Variants in MYBPC2 observed in about 807,000 individuals in gnomAD.
The protein encoded by MYBPC2 is myosin-binding protein C, fast-type.
Under a neutral mutation model 137.0 loss-of-function variants are expected in MYBPC2, and 122 were observed. The observed-to-expected ratio is 0.89, with a 90% CI of 0.77 to 1.03. MYBPC2 has a LOEUF of 1.03. MYBPC2 is among the 50% of genes least tolerant of loss of function. The pLI is 0.00. For synonymous variants in MYBPC2, 626 were observed against 612.3 expected (o/e 1.02, Z -0.33); for missense variants, 1,500 against 1,534.4 (o/e 0.98, Z 0.37).
At chr19:50,459,033 G>C (rs751018151) in intron 22 of MYBPC2, 27 bp downstream of exon 22, 3 of 1,591,118 alleles carry the variant, frequency 1.9e-6, no homozygotes. Context: ...CACGGGCCGG[G>C]GGTCCGCTCT....
chr19:50,442,419 A>G (rs1234340901), intron 9 of MYBPC2, 106 bp downstream of exon 9: 1 of 1,462,234 alleles, frequency 6.8e-7, no homozygotes, highest in Non-Finnish European at 9.2e-7. Context: ...ATTCACCCCT[A>G]TATGAAGAGT....
chr19:50,462,082 G>T, intron 26 of MYBPC2, 46 bp downstream of exon 26: 1 of 1,539,934 alleles, frequency 6.5e-7, no homozygotes. Context: ...GCCTTGTGGG[G>T]AATCTTCCAT....
At chr19:50,434,466 G>A (rs554517978) in intron 1 of MYBPC2, among the ~76,000 whole-genome samples, 1 of 152,344 alleles carries the variant, frequency 6.6e-6, no homozygotes, top group Admixed American at 6.5e-5. Context: ...GGAGTCACAG[G>A]GGAAGTCTCT....
chr19:50,451,196 G>C (rs75264037), intron 14 of MYBPC2, 84 bp from the exon 15 acceptor site: 3 of 1,525,296 alleles, frequency 2.0e-6, no homozygotes, highest in Non-Finnish European at 2.7e-6. Context: ...GCCAGACCCT[G>C]TCACCTCTTC....
intron 26 of MYBPC2, 121 bp downstream of exon 26, chr19:50,462,157 A>G: frequency 7.4e-7 from 1 of 1,353,570 alleles, no homozygotes; most frequent in Non-Finnish European, 9.7e-7. Context: ...CAAGGGATTT[A>G]GTCACTTAAA....
intron 22 of MYBPC2, 51 bp downstream of exon 22, chr19:50,459,057 CT>C: frequency 1.3e-6 from 2 of 1,563,776 alleles, no homozygotes; most frequent in Non-Finnish European, 1.7e-6. Context: ...CGCAAGCCCC[CT>C]TTTTGCGGGT....
chr19:50,452,266 C>T (rs191413223), intron 16 of MYBPC2, among the ~76,000 whole-genome samples: 9 of 152,314 alleles, frequency 5.9e-5, no homozygotes, highest in South Asian at 4.1e-4. Context: ...GTAACTCATC[C>T]GCCCATCCAG....
intron 11 of MYBPC2, 117 bp from the exon 12 acceptor site, chr19:50,445,763 C>T (rs1244801700): frequency 2.9e-6 from 3 of 1,045,668 alleles, no homozygotes; most frequent in African/African-American, 3.2e-5. Context: ...ATTATGTCTC[C>T]TCCCTCCGGG....
intron 4 of MYBPC2, among the ~76,000 whole-genome samples, chr19:50,436,416 C>T (rs2122576937): frequency 1.3e-5 from 2 of 152,252 alleles, no homozygotes; most frequent in African/African-American, 4.8e-5. Context: ...GGGCCAGGGA[C>T]CTGGGCCCCA....
intron 13 of MYBPC2, among the ~76,000 whole-genome samples, chr19:50,450,029 C>G (rs146275210): frequency 1.3e-5 from 2 of 152,014 alleles, no homozygotes; most frequent in African/African-American, 4.8e-5. Flanking sequence ...TTGTGTTACA[C>G]GCCCATAGTC....
At chr19:50,464,268 G>A (rs755661184) in intron 26 of MYBPC2, 78 bp from the exon 27 acceptor site, 32 of 1,347,586 alleles carry the variant, frequency 2.4e-5, no homozygotes, top group East Asian at 1.5e-4. Context: ...AACCCAGATC[G>A]GCTTCCTGAG....
chr19:50,459,301 T>C lies in MYBPC2; in HGVS notation c.2786T>C (p.Val929Ala). ...MKDTATIRIR[V>A]VEKAGPPINV... is the part of the protein sequence containing the mutation. Reference sequence around the variant, plus strand: ...GACACCGCCACCATCCGCATCCGCGTTGTGGGTGCGCGCGCTGGGGAGGGC... The same window carrying C: ...GACACCGCCACCATCCGCATCCGCGCTGTGGGTGCGCGCGCTGGGGAGGGC... Residue 929 changes from valine (V) to alanine (A), a missense_variant, in exon 23 of 28, where the codon GTT becomes GCT. Coordinates refer to ENST00000357701, the MANE Select transcript of MYBPC2 (RefSeq NM_004533.4). The C allele has an allele frequency of 6.3e-7, 1 of 1,597,582 alleles. No homozygotes were observed. Among genetic ancestry groups the C allele is most frequent in the Non-Finnish European group, 8.5e-7 (1 of 1,172,652 alleles).
chr19:50,450,962 G>T, intron 14 of MYBPC2, 27 bp downstream of exon 14: 1 of 1,542,172 alleles, frequency 6.5e-7, no homozygotes, highest in South Asian at 1.2e-5. Flanking sequence ...CTCCTTCCCT[G>T]GGGGCTGTAG....
intron 16 of MYBPC2, 114 bp from the exon 17 acceptor site, chr19:50,453,906 T>C: frequency 8.2e-7 from 1 of 1,226,612 alleles, no homozygotes; most frequent in Non-Finnish European, 1.1e-6. Flanking sequence ...GAGTGAGGAC[T>C]CTGTGTGTTG....
intron 11 of MYBPC2, among the ~76,000 whole-genome samples, chr19:50,444,286 C>CCATT (rs1221328763): frequency 5.0e-5 from 4 of 80,526 alleles, no homozygotes; most frequent in Admixed American, 1.6e-4. Context: ...ATCTGTCCAT[C>CCATT]CATTCATCCA....
At chr19:50,452,508 G>GTATCTATCTATCTATCTATC (rs59342187) in intron 16 of MYBPC2, among the ~76,000 whole-genome samples, 1,999 of 114,676 alleles carry the variant, frequency 0.017, 30 homozygotes, top group African/African-American at 0.036. Flanking sequence ...ATGTATGTAT[G>GTATCTATCTATCTATCTATC]TATCTATCTA....
rs1257479571 is a variant in MYBPC2, at chr19:50,454,002, T to G, written c.1750-18T>G. 3 of 1,577,556 alleles carry G rather than the reference T, an allele frequency of 1.9e-6. No homozygotes were observed. The Admixed American group carries it at 5.5e-5, about 29-fold the overall frequency. On this transcript the variant is annotated intron_variant, in intron 16 of 27. Coordinates refer to ENST00000357701, the MANE Select transcript of MYBPC2 (RefSeq NM_004533.4). ...GGGGACACGATGGGGTGCAAGGCCA[T>G]CTGGTGGCTGCGTTCAGGTATTCAC...
In MYBPC2 at chr19:50,454,280, C is replaced by T. The variant is rs755911926; in HGVS notation, c.1925C>T (p.Pro642Leu). 2.0e-5 allele frequency: 32 copies of T among 1,613,766 alleles called. No homozygotes were observed. Among genetic ancestry groups the T allele is most frequent in the South Asian group, 6.6e-5 (6 of 91,088 alleles). Reference protein sequence around the residue: ...FLQVVDVPDPPEAVRITSVGE... With the variant: ...FLQVVDVPDPLEAVRITSVGE... ...CCCCCTGCAGATGTCCCAGACCCCC[C>T]GGAGGCTGTGCGCATCACCTCGGTT... The change falls in exon 18 of 28, where the codon CCG (proline) becomes CTG (leucine). Residue 642 changes from proline to leucine, a missense_variant. Pro to Leu is a moderately conservative substitution (Grantham distance 98, BLOSUM62 -3). Transcript: ENST00000357701.
At chr19:50,437,850 C>A in intron 7 of MYBPC2, 132 bp downstream of exon 7, 1 of 1,037,370 alleles carries the variant, frequency 9.6e-7, no homozygotes, top group Non-Finnish European at 1.4e-6. Flanking sequence ...TGTTCACTCC[C>A]TGCCCACCCA....
Sources: allele counts gnomAD v4.1 joint callset (sites outside exome capture counted in the v4.1 genomes callset), GRCh38; gene constraint gnomAD v4.1.1; transcripts MANE v1.5; gene names NCBI Gene and HGNC (gene_info 2026-07-23, HGNC 2026-07-21).